The following ARAP1 variants were observed in gnomAD, a reference collection of about 807,000 sequenced individuals.
ARAP1 encodes the protein ArfGAP with RhoGAP domain, ankyrin repeat and PH domain 1, also known as arf-GAP with Rho-GAP domain, ANK repeat and PH domain-containing protein 1.
In ARAP1, 76 loss-of-function variants were observed where a neutral mutation model predicts 172.2. The observed-to-expected ratio is 0.44, with a 90% CI of 0.37 to 0.53. The LOEUF is 0.53. Ranked by LOEUF, ARAP1 falls within the 20% of genes least tolerant of loss-of-function variation. ARAP1 has a pLI of 0.00. For missense variants in ARAP1, 1,686 were observed against 1,977.5 expected (o/e 0.85, Z 2.80); for synonymous variants, 804 against 803.3 (o/e 1.00, Z -0.01).
intron 18 of ARAP1, among the ~76,000 whole-genome samples, chr11:72,698,544 G>A (rs1003508937): frequency 1.1e-4 from 16 of 152,290 alleles, no homozygotes; most frequent in East Asian, 7.7e-4. Context: ...ACTGATCAAC[G>A]GAGAAGTGAA....
intron 1 of ARAP1, among the ~76,000 whole-genome samples, chr11:72,738,363 C>A (rs529928533): frequency 6.6e-6 from 1 of 152,302 alleles, no homozygotes; most frequent in East Asian, 1.9e-4. Flanking sequence ...TGAGTCAGCC[C>A]TGGATCAGGG....
chr11:72,707,084 C>T lies in ARAP1; in HGVS notation c.1723+91G>A, dbSNP rs925274437. 464 of 1,353,630 alleles carry T rather than the reference C, an allele frequency of 3.4e-4. 7 individuals carry two copies. In the East Asian group the frequency reaches 0.012, roughly 35 times the overall value. 83.9% of individuals were successfully genotyped at this position (1,353,630 alleles called of 1,614,324 possible). A position where few individuals can be genotyped will look rare whatever the true frequency, so the allele number is the denominator to read the frequency against. On this transcript the variant is annotated intron_variant, in intron 12 of 34. Coordinates refer to ENST00000393609, the MANE Select transcript of ARAP1 (RefSeq NM_001040118.3). ...AGCAGCTCTCTGAGTGCTGTCTCCG[C>T]TCCAGGCCCTCCTCCAGATAGGATA...
chr11:72,688,646 C>G lies in ARAP1; in HGVS notation c.3988-109G>C. On this transcript the variant is annotated intron_variant, in intron 30 of 34. Coordinates refer to ENST00000393609, the MANE Select transcript of ARAP1 (RefSeq NM_001040118.3). The stretch of plus-strand genomic sequence containing the variant: ...CCAACTCCCCAGCCCTCTTTGCATC[C>G]CAGCACAGGGCGCCTCCTCCAAGAA... 4 of 925,624 alleles carry G rather than the reference C, an allele frequency of 4.3e-6. No homozygotes were observed. The South Asian group carries it at 6.0e-5, about 14-fold the overall frequency. 57.3% of individuals were successfully genotyped at this position (925,624 alleles called of 1,614,324 possible). A position where few individuals can be genotyped will look rare whatever the true frequency, so the allele number is the denominator to read the frequency against.
intron 1 of ARAP1, among the ~76,000 whole-genome samples, chr11:72,744,374 GA>G (rs1188168991): frequency 6.6e-6 from 1 of 152,158 alleles, no homozygotes; most frequent in African/African-American, 2.4e-5. Flanking sequence ...AGTGTGGCCA[GA>G]ACCCAGCCTC....
At chr11:72,720,012 A>T (rs537120714) in intron 3 of ARAP1, among the ~76,000 whole-genome samples, 5 of 152,110 alleles carry the variant, frequency 3.3e-5, no homozygotes, top group Non-Finnish European at 7.4e-5. Context: ...TGATCACTCA[A>T]TATGGTCATA....
Position 72,699,622 on chromosome 11 carries a change from C to T in ARAP1, c.2303-70G>A. 1 of 1,547,710 alleles carries T rather than the reference C, an allele frequency of 6.5e-7. No individual in the cohort carries two copies. The highest frequency in any genetic ancestry group is 1.9e-5 in the Admixed American group (1 of 52,040). On this transcript the variant is annotated intron_variant, in intron 16 of 34. Transcript: ENST00000393609. The surrounding 1 kb of genome is among the most constrained non-coding windows in gnomAD (Gnocchi z 4.2). The stretch of plus-strand genomic sequence containing the variant: ...ACCTGAAAACCACCTCTGCATCCTC[C>T]CGGGGCTCCTGCTCCCATCTGACCC...
chr11:72,713,171 C>T lies in ARAP1; in HGVS notation c.747+5G>A. 6.2e-7 allele frequency: 1 copy of T among 1,613,758 alleles called. No homozygotes were observed. The highest frequency in any genetic ancestry group is 8.5e-7 in the Non-Finnish European group (1 of 1,179,784). On this transcript the variant is annotated splice_donor_5th_base_variant and intron_variant, in intron 5 of 34. Transcript: ENST00000393609. ...ACAGGCAGACAGTCCCATGCCTGGC[C>T]CCACCTTCTTGGTCATCACTCTGGC...
In ARAP1 at chr11:72,685,519, T is replaced by C; in HGVS notation, c.*145A>G. On this transcript the variant is annotated 3_prime_UTR_variant, in exon 35 of 35. Transcript: ENST00000393609. The stretch of plus-strand genomic sequence containing the variant: ...CCACCCCTGCCGGGGAACCCCATGC[T>C]GCAGTCAGGATGGAGGATGTGGGTT... 8.5e-7 allele frequency: 1 copy of C among 1,175,742 alleles called. No homozygotes were observed. Among genetic ancestry groups the C allele is most frequent in the East Asian group, 2.4e-5 (1 of 42,106 alleles). The allele number at this position is 1,175,742 out of a possible 1,614,324, so 72.8% of individuals were successfully genotyped here.
intron 4 of ARAP1, 87 bp downstream of exon 4, chr11:72,714,065 T>C: frequency 7.6e-7 from 1 of 1,314,326 alleles, no homozygotes; most frequent in Admixed American, 3.7e-5. Context: ...CAGAAAGGAG[T>C]GTGATCCTTG....
intron 3 of ARAP1, chr11:72,722,315 G>A: frequency 1.5e-5 from 15 of 985,624 alleles, no homozygotes; most frequent in Non-Finnish European, 1.8e-5. Context: ...CTGCAGCCGT[G>A]GCCAACACAC....
In ARAP1 at chr11:72,710,336, C is replaced by T. The variant is rs1288657104; in HGVS notation, c.1416+49G>A. 6.2e-7 allele frequency: 1 copy of T among 1,604,344 alleles called. No individual in the cohort carries two copies. Among genetic ancestry groups the T allele is most frequent in the African/African-American group, 1.3e-5 (1 of 74,684 alleles). ...GCTAAGGCCCTAGGTCAGCCTGGGG[C>T]AGGGTAGGTGGACATGGGCAGGGGA... On this transcript the variant is annotated intron_variant, in intron 10 of 34. Transcript: ENST00000393609. This position sits in a 1 kb window ranked among gnomAD's most constrained non-coding sequence, Gnocchi z 4.3.
intron 8 of ARAP1, 50 bp from the exon 9 acceptor site, chr11:72,711,191 C>A: frequency 6.2e-7 from 1 of 1,605,952 alleles, no homozygotes; most frequent in Non-Finnish European, 8.5e-7. Flanking sequence ...CTCGCTGACT[C>A]CCCCAGCCTC....
chr11:72,685,318 CCCCAGG>C lies in ARAP1; in HGVS notation c.*340_*345del. ...AGCAGGGGGCTCCCTTCCGGCAGGGCCCCAGGGCCTCACGCCTCTGAAAGGGTGGTG... is the reference window on the plus strand; with the variant it reads ...AGCAGGGGGCTCCCTTCCGGCAGGGCGCCTCACGCCTCTGAAAGGGTGGTG... On this transcript the variant is annotated 3_prime_UTR_variant, in exon 35 of 35. Transcript: ENST00000393609. 2.8e-6 allele frequency: 1 copy of C among 358,824 alleles called. No homozygotes were observed. Among genetic ancestry groups the C allele is most frequent in the Non-Finnish European group, 5.2e-6 (1 of 192,752 alleles). 22.2% of individuals were successfully genotyped at this position (358,824 alleles called of 1,614,324 possible).
rs1222198840 is a variant in ARAP1 at position 72,725,665 on chromosome 11, T to G, written c.509+955A>C. On this transcript the variant is annotated intron_variant, in intron 3 of 34. Coordinates refer to ENST00000393609, the MANE Select transcript of ARAP1 (RefSeq NM_001040118.3). The surrounding 1 kb of genome is among the most constrained non-coding windows in gnomAD (Gnocchi z 4.3). The stretch of plus-strand genomic sequence containing the variant: ...TGGCATGGATCCAGCCAGGGCCCCC[T>G]CCCTGCTCTCCCTCTGATTTGTTCA... Among the ~76,000 whole-genome samples, 5 of 151,868 alleles carry G rather than the reference T, an allele frequency of 3.3e-5. No homozygotes were observed. The highest frequency in any genetic ancestry group is 2.1e-4 in the South Asian group (1 of 4,812).
In ARAP1 at chr11:72,693,779, C is replaced by A; in HGVS notation, c.3721G>T (p.Val1241Leu). Residue 1241 changes from valine to leucine, a missense_variant, in exon 28 of 35, where the codon GTG becomes TTG. By Grantham distance (32) the Val-to-Leu change is conservative. Coordinates refer to ENST00000393609, the MANE Select transcript of ARAP1 (RefSeq NM_001040118.3). This position sits in a 1 kb window ranked among gnomAD's most constrained non-coding sequence, Gnocchi z 4.6. ...CCCAGCCCGTGCAGGATGGGCAGCA[C>A]CTTCTCCGCAAAGTGCAGGGGGCGC... ...AERPLHFAEKVLPILHGLGTD... is the reference protein window; with the variant it reads ...AERPLHFAEKLLPILHGLGTD... The A allele has an allele frequency of 1.9e-6, 3 of 1,608,228 alleles. No homozygotes were observed. Among genetic ancestry groups the A allele is most frequent in the Non-Finnish European group, 2.5e-6 (3 of 1,177,442 alleles).
At chr11:72,705,717 C>A in intron 13 of ARAP1, 88 bp downstream of exon 13, 1 of 1,391,508 alleles carries the variant, frequency 7.2e-7, no homozygotes, top group South Asian at 1.2e-5. Context: ...GTGCTGTGGT[C>A]ACTGAGATAG....
intron 7 of ARAP1, among the ~76,000 whole-genome samples, chr11:72,711,946 CT>C (rs1230717116): frequency 6.6e-6 from 1 of 152,202 alleles, no homozygotes; most frequent in Non-Finnish European, 1.5e-5. Flanking sequence ...AACCTCCCAT[CT>C]CAGTATCTCA....
intron 3 of ARAP1, among the ~76,000 whole-genome samples, chr11:72,723,013 A>C (rs1191252453): frequency 6.6e-6 from 1 of 152,116 alleles, no homozygotes; most frequent in Non-Finnish European, 1.5e-5. Flanking sequence ...ACGAGTTTAA[A>C]TTAATGGTAG....
rs530352811 is a variant in ARAP1, at chr11:72,692,850, G to A, written c.3955-65C>T. 23 of 1,597,392 alleles carry A rather than the reference G, an allele frequency of 1.4e-5. No individual in the cohort carries two copies. The South Asian group carries it at 2.1e-4, about 15-fold the overall frequency. ...GTCTAGAGCCAGGACAGCATGTGCA[G>A]TGATGTGTGGGGTTGGGGTGTGTGT... On this transcript the variant is annotated intron_variant, in intron 29 of 34. Transcript: ENST00000393609.
Sources: allele counts gnomAD v4.1 joint callset (sites outside exome capture counted in the v4.1 genomes callset), GRCh38; gene constraint gnomAD v4.1.1; non-coding constraint Gnocchi (gnomAD v3.1); transcripts MANE v1.5; gene names NCBI Gene and HGNC (gene_info 2026-07-23, HGNC 2026-07-21).